Variants in KCNAB1 observed in about 807,000 individuals in gnomAD.
KCNAB1 encodes the protein potassium voltage-gated channel subfamily A regulatory beta subunit 1.
In KCNAB1, 35 loss-of-function variants were observed where a neutral mutation model predicts 64.6. The ratio of observed to expected loss-of-function variants is 0.54; its 90% CI spans 0.41 to 0.72. The LOEUF is 0.72. Ranked by LOEUF, KCNAB1 falls within the 30% of genes least tolerant of loss-of-function variation. KCNAB1 has a pLI of 0.00. For synonymous variants in KCNAB1, 177 were observed against 183.8 expected (o/e 0.96, Z 0.30); for missense variants, 401 against 512.9 (o/e 0.78, Z 2.11).
At chr3:156,342,951 A>G (rs906944637) in intron 1 of KCNAB1, among the ~76,000 whole-genome samples, 1 of 152,196 alleles carries the variant, frequency 6.6e-6, no homozygotes, top group Non-Finnish European at 1.5e-5. Context: ...CAAAACAAAT[A>G]ATCATTAGAG....
intron 13 of KCNAB1, 82 bp from the exon 14 acceptor site, chr3:156,536,576 T>C: frequency 1.1e-6 from 1 of 911,932 alleles, no homozygotes; most frequent in South Asian, 1.3e-5. Context: ...GATTCTAGAT[T>C]ACTTTGCTAA....
In KCNAB1 at chr3:156,523,970, G is replaced by A. The variant is rs778307952; in HGVS notation, c.1081+23G>A. On this transcript the variant is annotated intron_variant, in intron 12 of 13. Coordinates refer to ENST00000490337, the MANE Select transcript of KCNAB1 (RefSeq NM_172160.3). ...TTGGTAAGAAAATTACTAAGCTATGGGGTGGTAGAGGGACTTCTGCTGAGA... is the reference window on the plus strand; with the variant it reads ...TTGGTAAGAAAATTACTAAGCTATGAGGTGGTAGAGGGACTTCTGCTGAGA... 26 of 1,607,350 alleles carry A rather than the reference G, an allele frequency of 1.6e-5. 2 individuals carry two copies. The South Asian group carries it at 2.9e-4, about 18-fold the overall frequency.
Position 156,120,611 on chromosome 3 carries a change from G to C in KCNAB1, c.-1G>C. Reference sequence around the variant, plus strand: ...CCAGTCTTCTCTGAAAGATCTCCACGATGCTGGCAGCCCGGACAGGGGCAG... The same window carrying C: ...CCAGTCTTCTCTGAAAGATCTCCACCATGCTGGCAGCCCGGACAGGGGCAG... On this transcript the variant is annotated 5_prime_UTR_variant, in exon 1 of 14. Coordinates refer to ENST00000490337, the MANE Select transcript of KCNAB1 (RefSeq NM_172160.3). 1.2e-6 allele frequency: 2 copies of C among 1,613,882 alleles called. No homozygotes were observed. The highest frequency in any genetic ancestry group is 2.2e-5 in the East Asian group (1 of 44,890).
intron 1 of KCNAB1, among the ~76,000 whole-genome samples, chr3:156,361,721 C>T (rs755520004): frequency 7.2e-5 from 11 of 152,282 alleles, no homozygotes; most frequent in East Asian, 1.9e-4. Context: ...ACAGTGCACA[C>T]GATTATAGCT....
rs71624582 is a variant in KCNAB1 at position 156,137,223 on chromosome 3, TG to T, written c.275+16345del. 6.7e-3 allele frequency among the ~76,000 whole-genome samples: 193 copies of T among 29,006 alleles called. 1 individual carries two copies. The highest frequency in any genetic ancestry group is 0.012 in the African/African-American group (159 of 12,752). The allele number at this position is 29,006 out of a possible 152,430, so 19.0% of individuals were successfully genotyped here. On this transcript the variant is annotated intron_variant, in intron 1 of 13. Transcript: ENST00000490337. ...ATAGTGCGTATGTATCATACATTGG[TG>T]GGGGGGGATTGTTTTTATGCTATAA...
intron 2 of KCNAB1, among the ~76,000 whole-genome samples, chr3:156,427,953 C>T (rs1252329282): frequency 6.6e-6 from 1 of 152,170 alleles, no homozygotes; most frequent in Non-Finnish European, 1.5e-5. Flanking sequence ...ATGTCCAGCT[C>T]ACCTGTGTGT....
At chr3:156,535,374 T>C (rs1391291115) in intron 13 of KCNAB1, among the ~76,000 whole-genome samples, 4 of 152,150 alleles carry the variant, frequency 2.6e-5, no homozygotes, top group Non-Finnish European at 5.9e-5. Flanking sequence ...AAGTCTGCCT[T>C]TGTCCCTTGT....
At chr3:156,143,368 C>A (rs751449337) in intron 1 of KCNAB1, 9 of 1,608,526 alleles carry the variant, frequency 5.6e-6, no homozygotes, top group Non-Finnish European at 7.6e-6. Flanking sequence ...TCTACGTGTT[C>A]ATGGAATTTC....
chr3:156,126,670 G>A (rs1047993383), intron 1 of KCNAB1, among the ~76,000 whole-genome samples: 2 of 152,210 alleles, frequency 1.3e-5, no homozygotes, highest in Non-Finnish European at 2.9e-5. Flanking sequence ...CCTTGCCTGC[G>A]AGAAGCAGTT....
intron 1 of KCNAB1, among the ~76,000 whole-genome samples, chr3:156,418,412 A>C (rs1715239590): frequency 6.6e-6 from 1 of 152,234 alleles, no homozygotes. Context: ...CCACACAAAC[A>C]AGCTGCTGAA....
chr3:156,316,192 T>C (rs969723766), intron 1 of KCNAB1, among the ~76,000 whole-genome samples: 1 of 152,194 alleles, frequency 6.6e-6, no homozygotes, highest in Non-Finnish European at 1.5e-5. Flanking sequence ...CCGCATTTTA[T>C]AGATGATGAA....
At chr3:156,343,109 C>T (rs2108070149) in intron 1 of KCNAB1, among the ~76,000 whole-genome samples, 1 of 152,332 alleles carries the variant, frequency 6.6e-6, no homozygotes, top group East Asian at 1.9e-4. Flanking sequence ...GAAATTTAGA[C>T]CTTCCTGCAT....
chr3:156,429,638 TA>T (rs1161763465), intron 2 of KCNAB1, among the ~76,000 whole-genome samples: 2 of 152,232 alleles, frequency 1.3e-5, no homozygotes, highest in East Asian at 3.8e-4. Flanking sequence ...AACACGACAT[TA>T]AATATTTAAC....
chr3:156,384,252 A>G (rs1287280046), intron 1 of KCNAB1, among the ~76,000 whole-genome samples: 1 of 152,252 alleles, frequency 6.6e-6, no homozygotes, highest in African/African-American at 2.4e-5. Context: ...TTGCTTCACC[A>G]CCGTCTTTTT....
intron 8 of KCNAB1, among the ~76,000 whole-genome samples, chr3:156,482,101 G>T (rs1454914234): frequency 6.6e-6 from 1 of 152,100 alleles, no homozygotes; most frequent in Non-Finnish European, 1.5e-5. Flanking sequence ...CATGGAGTTG[G>T]CAGTGTAATT....
intron 1 of KCNAB1, among the ~76,000 whole-genome samples, chr3:156,181,190 C>T (rs1272047019): frequency 1.3e-5 from 2 of 152,174 alleles, no homozygotes; most frequent in African/African-American, 2.4e-5. Flanking sequence ...TTCTGACATA[C>T]TGAGGATTAG....
intron 1 of KCNAB1, among the ~76,000 whole-genome samples, chr3:156,386,101 T>C (rs547410905): frequency 9.2e-5 from 14 of 152,322 alleles, no homozygotes; most frequent in African/African-American, 3.4e-4. Flanking sequence ...CAAAGGGGCA[T>C]AAGGCAGAAA....
At chr3:156,227,358 G>C (rs908748174) in intron 1 of KCNAB1, among the ~76,000 whole-genome samples, 2 of 152,164 alleles carry the variant, frequency 1.3e-5, no homozygotes, top group Non-Finnish European at 2.9e-5. Flanking sequence ...AATAGGCCCT[G>C]AAAGTTTGAC....
Position 156,296,504 on chromosome 3 carries a change from C to T in KCNAB1, c.276-125112C>T, listed in dbSNP as rs369700170. Among the ~76,000 whole-genome samples, 333 of 125,468 alleles carry T rather than the reference C, an allele frequency of 2.7e-3. 1 individual carries two copies. Among genetic ancestry groups the T allele is most frequent in the South Asian group, 0.01 (35 of 3,400 alleles). The allele number at this position is 125,468 out of a possible 152,430, so 82.3% of individuals were successfully genotyped here. A position where few individuals can be genotyped will look rare whatever the true frequency, so the allele number is the denominator to read the frequency against. On this transcript the variant is annotated intron_variant, in intron 1 of 13. Coordinates refer to ENST00000490337, the MANE Select transcript of KCNAB1 (RefSeq NM_172160.3). ...TTTTTTTTTTTTTGAGATGGAGTCTCGCTCTGTAGCGCAGGCTGGAGGGCA... is the reference window on the plus strand; with the variant it reads ...TTTTTTTTTTTTTGAGATGGAGTCTTGCTCTGTAGCGCAGGCTGGAGGGCA...
Sources: gnomAD v4.1 joint callset for allele counts (sites outside exome capture counted in the v4.1 genomes callset) on GRCh38, gnomAD v4.1.1 for gene constraint, MANE v1.5 for transcripts, NCBI Gene and HGNC (gene_info 2026-07-23, HGNC 2026-07-21) for gene names.